The following PAQR8 variants were observed in gnomAD, a reference collection of about 807,000 sequenced individuals.
PAQR8 encodes membrane progestin receptor beta.
PAQR8 carries 17 observed loss-of-function variants against 25.2 expected under a neutral mutation model. That is an observed-to-expected ratio of 0.67 (90% CI 0.46 to 1.01). The LOEUF (loss-of-function observed/expected upper bound fraction) is 1.01, where lower values mean the gene tolerates loss of function less well. Among genes scored for constraint, PAQR8 ranks in the 50% least tolerant of loss-of-function variants. The probability of loss-of-function intolerance (pLI) is 0.00; values close to 1 mark genes in which losing one functional copy is unlikely to be tolerated. For synonymous variants in PAQR8, 204 were observed against 190.6 expected, an observed-to-expected ratio of 1.07 and a Z score of -0.58; for missense variants, 392 against 448.4, an observed-to-expected ratio of 0.87 and a Z score of 1.14.
At chr6:52,396,768 C>G (rs722101) in intron 1 of PAQR8, among the ~76,000 whole-genome samples, 4 of 152,092 alleles carry the variant, frequency 2.6e-5, no homozygotes, top group African/African-American at 9.6e-5. Flanking sequence ...CAGCAAACCT[C>G]GATTCTGATT....
intron 1 of PAQR8, among the ~76,000 whole-genome samples, chr6:52,397,742 G>C (rs140871310): frequency 2.0e-5 from 3 of 152,314 alleles, no homozygotes; most frequent in African/African-American, 7.2e-5. Flanking sequence ...GTGCAAAGGA[G>C]ATTGTTCTAA....
intron 1 of PAQR8, among the ~76,000 whole-genome samples, chr6:52,368,280 C>T (rs765378449): frequency 6.6e-6 from 1 of 152,146 alleles, no homozygotes; most frequent in Non-Finnish European, 1.5e-5. Context: ...TAGCTGTGAT[C>T]TAGAAACCAT....
At position 52,405,992 on chromosome 6, in the gene PAQR8, T is replaced by A. The variant is rs1763902844; in HGVS notation, c.*1714T>A. On this transcript the variant is annotated 3_prime_UTR_variant, in exon 2 of 2. Transcript: ENST00000442253. ...TCAACTGAAGCTTTCCAATAATCTTTATATCAAGAAAGCATGCGTCTTGTC... is the reference window on the plus strand; with the variant it reads ...TCAACTGAAGCTTTCCAATAATCTTAATATCAAGAAAGCATGCGTCTTGTC... 1 of 166,970 alleles carries A rather than the reference T, an allele frequency of 6.0e-6. No homozygotes were observed. Among genetic ancestry groups the A allele is most frequent in the African/African-American group, 2.4e-5 (1 of 41,472 alleles). 10.3% of individuals were successfully genotyped at this position (166,970 alleles called of 1,614,324 possible). A position where few individuals can be genotyped will look rare whatever the true frequency, so the allele number is the denominator to read the frequency against.
chr6:52,401,026 A>G (rs1763823826), intron 1 of PAQR8, among the ~76,000 whole-genome samples: 2 of 152,326 alleles, frequency 1.3e-5, no homozygotes, highest in South Asian at 4.1e-4. Context: ...CCCATATAAT[A>G]TATAGAATTA....
intron 1 of PAQR8, chr6:52,373,679 T>G (rs1321908129): frequency 6.6e-6 from 1 of 151,858 alleles, no homozygotes; most frequent in Non-Finnish European, 1.5e-5. Flanking sequence ...CTGGCCTGGG[T>G]GTCCAAGATT....
intron 1 of PAQR8, among the ~76,000 whole-genome samples, chr6:52,383,324 A>C (rs1763585729): frequency 6.6e-6 from 1 of 152,268 alleles, no homozygotes; most frequent in African/African-American, 2.4e-5. Context: ...AGTGATTCTC[A>C]AACCTTAACA....
chr6:52,393,304 T>C (rs1311572870), intron 1 of PAQR8, among the ~76,000 whole-genome samples: 1 of 152,050 alleles, frequency 6.6e-6, no homozygotes, highest in East Asian at 1.9e-4. Flanking sequence ...TATAAGTGTT[T>C]GATACTATTA....
chr6:52,393,608 G>C (rs1310995610), intron 1 of PAQR8, among the ~76,000 whole-genome samples: 2 of 152,076 alleles, frequency 1.3e-5, no homozygotes, highest in Non-Finnish European at 2.9e-5. Context: ...TGGGATTACA[G>C]GTGTGAGCCA....
At chr6:52,392,865 A>T (rs1442681995) in intron 1 of PAQR8, among the ~76,000 whole-genome samples, 1 of 152,238 alleles carries the variant, frequency 6.6e-6, no homozygotes, top group East Asian at 1.9e-4. Context: ...TGTGGAAGTC[A>T]CATTTTATTC....
intron 1 of PAQR8, among the ~76,000 whole-genome samples, chr6:52,379,096 CAAAAAA>C (rs70977347): frequency 1.3e-4 from 12 of 92,988 alleles, no homozygotes; most frequent in South Asian, 7.3e-4. Context: ...TACTCTTTAT[CAAAAAA>C]AAAAAAAAAA....
intron 1 of PAQR8, among the ~76,000 whole-genome samples, chr6:52,379,477 A>G (rs1009758147): frequency 6.6e-5 from 10 of 152,184 alleles, no homozygotes; most frequent in African/African-American, 2.4e-4. Context: ...TTTGAGACAG[A>G]GTCTCGCTCT....
chr6:52,405,248 C>T lies in PAQR8; in HGVS notation c.*970C>T, dbSNP rs1763894099. 6.0e-6 allele frequency: 1 copy of T among 166,962 alleles called. No individual in the cohort carries two copies. The highest frequency in any genetic ancestry group is 1.5e-5 in the Non-Finnish European group (1 of 68,106). 10.3% of individuals were successfully genotyped at this position (166,962 alleles called of 1,614,324 possible). A position where few individuals can be genotyped will look rare whatever the true frequency, so the allele number is the denominator to read the frequency against. ...GGATTAGTTGGTTCTAAGGATCCCT[C>T]TAGGGACCTCATTATTTCAAGAGGA... On this transcript the variant is annotated 3_prime_UTR_variant, in exon 2 of 2. Transcript: ENST00000442253.
intron 1 of PAQR8, among the ~76,000 whole-genome samples, chr6:52,363,437 C>T (rs933390371): frequency 1.3e-5 from 2 of 152,158 alleles, no homozygotes; most frequent in African/African-American, 4.8e-5. Flanking sequence ...ACAGGTAATA[C>T]CTACCCGTGT....
intron 1 of PAQR8, among the ~76,000 whole-genome samples, chr6:52,383,660 C>CA (rs57004196): frequency 0.29 from 37,005 of 127,852 alleles, 5,788 homozygotes; most frequent in East Asian, 0.49. Flanking sequence ...GAGTCCGTCT[C>CA]AAAAAAAAAA....
chr6:52,374,887 A>G lies in PAQR8; in HGVS notation c.-53+12638A>G, dbSNP rs79597247. ...CTAGAAATTCCACCTTTGGCTCTCT[A>G]TGGGACATGCCAAGGAGGACCTCAT... On this transcript the variant is annotated intron_variant, in intron 1 of 1. Coordinates refer to ENST00000442253, the MANE Select transcript of PAQR8 (RefSeq NM_133367.5). Among the ~76,000 whole-genome samples, 903 of 151,360 alleles carry G rather than the reference A, an allele frequency of 6.0e-3. 5 individuals carry two copies. The highest frequency in any genetic ancestry group is 0.011 in the Non-Finnish European group (717 of 67,856).
intron 1 of PAQR8, among the ~76,000 whole-genome samples, chr6:52,374,009 G>A (rs1763452695): frequency 6.6e-6 from 1 of 152,020 alleles, no homozygotes; most frequent in African/African-American, 2.4e-5. Context: ...CATGAGATCT[G>A]GTTGTCTAAA....
At chr6:52,377,641 C>T (rs1256839224) in intron 1 of PAQR8, among the ~76,000 whole-genome samples, 1 of 151,994 alleles carries the variant, frequency 6.6e-6, no homozygotes, top group Non-Finnish European at 1.5e-5. Flanking sequence ...GGAGAACATC[C>T]TTGGGACTTG....
intron 1 of PAQR8, among the ~76,000 whole-genome samples, chr6:52,389,920 T>G (rs1763679710): frequency 6.6e-6 from 1 of 152,198 alleles, no homozygotes; most frequent in African/African-American, 2.4e-5. Flanking sequence ...CTAGATCTAG[T>G]TGAGAGGTTG....
chr6:52,376,128 T>C (rs1043523557), intron 1 of PAQR8, among the ~76,000 whole-genome samples: 2 of 152,222 alleles, frequency 1.3e-5, no homozygotes, highest in African/African-American at 4.8e-5. Flanking sequence ...TAGTTCTCTT[T>C]TGAAGAAATT....
Sources: gnomAD v4.1 joint callset for allele counts (sites outside exome capture counted in the v4.1 genomes callset) on GRCh38, gnomAD v4.1.1 for gene constraint, MANE v1.5 for transcripts, NCBI Gene and HGNC (gene_info 2026-07-23, HGNC 2026-07-21) for gene names.